PDE8A: variants seen among roughly 807,000 people sequenced by gnomAD.
PDE8A encodes phosphodiesterase 8A.
A neutral mutation model predicts 105.0 loss-of-function variants in PDE8A; 59 were observed. That is an observed-to-expected ratio of 0.56 (90% CI 0.46 to 0.70). The LOEUF is 0.70. Among genes scored for constraint, PDE8A ranks in the 30% least tolerant of loss-of-function variants. PDE8A has a pLI of 0.00. For missense variants in PDE8A, 1,014 were observed against 1,045.9 expected (o/e 0.97, Z 0.42); for synonymous variants, 355 against 371.9 (o/e 0.95, Z 0.52).
chr15:85,131,427 G>A (rs1047937324), intron 20 of PDE8A, among the ~76,000 whole-genome samples: 2 of 152,010 alleles, frequency 1.3e-5, no homozygotes, highest in Non-Finnish European at 2.9e-5. Context: ...TTTTTCTATA[G>A]ATAGTTGCAT....
intron 6 of PDE8A, among the ~76,000 whole-genome samples, chr15:85,087,104 T>C (rs2141518110): frequency 6.6e-6 from 1 of 152,240 alleles, no homozygotes; most frequent in Admixed American, 6.5e-5. Context: ...ATCTCCTGGT[T>C]TTTTTTACAT....
chr15:84,987,535 G>C (rs377142578), intron 1 of PDE8A, among the ~76,000 whole-genome samples: 1 of 144,552 alleles, frequency 6.9e-6, no homozygotes, highest in African/African-American at 2.6e-5. Flanking sequence ...GTAATGGTGC[G>C]ATCTCAGCTT....
At chr15:85,007,188 A>G (rs1237725228) in intron 1 of PDE8A, among the ~76,000 whole-genome samples, 1 of 152,128 alleles carries the variant, frequency 6.6e-6, no homozygotes, top group Admixed American at 6.6e-5. Context: ...GAGGGGGACT[A>G]GGAGAACAGA....
intron 16 of PDE8A, among the ~76,000 whole-genome samples, chr15:85,117,031 C>T (rs1338707274): frequency 6.6e-6 from 1 of 152,190 alleles, no homozygotes; most frequent in African/African-American, 2.4e-5. Flanking sequence ...TTGGCCTTCA[C>T]AGGCAAGGGC....
intron 1 of PDE8A, among the ~76,000 whole-genome samples, chr15:85,043,990 C>T (rs2080851345): frequency 6.6e-6 from 1 of 152,156 alleles, no homozygotes; most frequent in Non-Finnish European, 1.5e-5. Flanking sequence ...AGGCACCACA[C>T]CCAGCCAGTG....
chr15:85,124,320 A>G (rs929412522), intron 19 of PDE8A, among the ~76,000 whole-genome samples: 4 of 152,176 alleles, frequency 2.6e-5, no homozygotes, highest in Non-Finnish European at 4.4e-5. Flanking sequence ...ACTGGTGCCT[A>G]TTATACTAGA....
intron 2 of PDE8A, among the ~76,000 whole-genome samples, chr15:85,064,857 A>G (rs1035554181): frequency 6.6e-6 from 1 of 152,100 alleles, no homozygotes; most frequent in Non-Finnish European, 1.5e-5. Context: ...CTGTGGTCCC[A>G]GCTACTTGGA....
intron 20 of PDE8A, among the ~76,000 whole-genome samples, chr15:85,132,616 C>T (rs1292740624): frequency 6.6e-6 from 1 of 152,136 alleles, no homozygotes; most frequent in Non-Finnish European, 1.5e-5. Flanking sequence ...CAGGTGCCCG[C>T]CACCATGCCC....
chr15:85,056,213 C>T (rs908049661), intron 1 of PDE8A, among the ~76,000 whole-genome samples: 4 of 152,094 alleles, frequency 2.6e-5, no homozygotes, highest in African/African-American at 9.7e-5. Flanking sequence ...TGTGGGTAAC[C>T]CGACCTTTCT....
At chr15:85,089,094 C>T (rs2081598764) in intron 6 of PDE8A, among the ~76,000 whole-genome samples, 1 of 152,056 alleles carries the variant, frequency 6.6e-6, no homozygotes, top group African/African-American at 2.4e-5. Flanking sequence ...TGGTATGTGG[C>T]CACCCTGGCT....
At chr15:85,125,726 A>G (rs2082248734) in intron 19 of PDE8A, among the ~76,000 whole-genome samples, 1 of 152,220 alleles carries the variant, frequency 6.6e-6, no homozygotes, top group Non-Finnish European at 1.5e-5. Context: ...GCCCTATCAC[A>G]GGACTGGGTT....
At chr15:84,980,486 G>A (rs1370832844), upstream of PDE8A, 1 of 152,358 alleles carries the variant, frequency 6.6e-6, no homozygotes, top group Non-Finnish European at 1.5e-5. Context: ...GGTCGCTCCA[G>A]GGCCGCGCTA....
chr15:85,063,407 G>A (rs1421241898), intron 1 of PDE8A: 1 of 152,130 alleles, frequency 6.6e-6, no homozygotes, highest in Non-Finnish European at 1.5e-5. Flanking sequence ...CAGAGTCACT[G>A]GGCAAATTAC....
At chr15:84,994,981 A>T (rs906004804) in intron 1 of PDE8A, among the ~76,000 whole-genome samples, 2 of 152,078 alleles carry the variant, frequency 1.3e-5, no homozygotes, top group African/African-American at 4.8e-5. Context: ...AAAAGAGAGA[A>T]AAAGCAATTG....
intron 3 of PDE8A, among the ~76,000 whole-genome samples, chr15:85,072,903 A>G (rs2081332354): frequency 1.3e-5 from 2 of 152,174 alleles, no homozygotes; most frequent in Admixed American, 6.5e-5. Context: ...GCTTGAGCCC[A>G]GGAGTTCGAG....
intron 1 of PDE8A, among the ~76,000 whole-genome samples, chr15:85,055,148 C>G (rs2081040108): frequency 6.6e-6 from 1 of 152,110 alleles, no homozygotes; most frequent in Admixed American, 6.6e-5. Flanking sequence ...ATCCTGAGTT[C>G]TAGTTTGACT....
Position 85,138,035 on chromosome 15 carries a change from A to T in PDE8A, c.*132A>T. The T allele has an allele frequency of 1.7e-6, 1 of 594,994 alleles. No homozygotes were observed. The highest frequency in any genetic ancestry group is 2.8e-5 in the East Asian group (1 of 35,628). The allele number at this position is 594,994 out of a possible 1,614,324, so 36.9% of individuals were successfully genotyped here. A position where few individuals can be genotyped will look rare whatever the true frequency, so the allele number is the denominator to read the frequency against. Reference sequence around the variant, plus strand: ...CGATCTGCATAGCCTGTGAAAGCCCACGGGGACATCAGTAACCTTCTGCAG... The same window carrying T: ...CGATCTGCATAGCCTGTGAAAGCCCTCGGGGACATCAGTAACCTTCTGCAG... On this transcript the variant is annotated 3_prime_UTR_variant, in exon 22 of 22. Coordinates refer to ENST00000394553, the MANE Select transcript of PDE8A (RefSeq NM_002605.3).
At position 85,137,942 on chromosome 15, in the gene PDE8A, C is replaced by G. The variant is rs371546112; in HGVS notation, c.*39C>G. ...CCAGAGCCCTGAAGCTTTGTTCCTT[C>G]GGTCATTTGGAATTCCTGAGGGCAG... On this transcript the variant is annotated 3_prime_UTR_variant, in exon 22 of 22. Transcript: ENST00000394553. 7.6e-7 allele frequency: 1 copy of G among 1,313,762 alleles called. No homozygotes were observed. Among genetic ancestry groups the G allele is most frequent in the South Asian group, 1.2e-5 (1 of 83,870 alleles). The allele number at this position is 1,313,762 out of a possible 1,614,324, so 81.4% of individuals were successfully genotyped here.
chr15:85,132,686 A>C, intron 20 of PDE8A, among the ~76,000 whole-genome samples: 1 of 152,054 alleles, frequency 6.6e-6, no homozygotes, highest in Admixed American at 6.5e-5. Context: ...CAAACTCTTG[A>C]CCTCAGGTGA....
Sources: allele counts gnomAD v4.1 joint callset (sites outside exome capture counted in the v4.1 genomes callset), GRCh38; gene constraint gnomAD v4.1.1; transcripts MANE v1.5; gene names NCBI Gene and HGNC (gene_info 2026-07-23, HGNC 2026-07-21).